Variants in CCDC9B observed in about 807,000 individuals in gnomAD.
CCDC9B encodes coiled-coil domain-containing protein 9B.
In CCDC9B, 40 loss-of-function variants were observed where a neutral mutation model predicts 47.2. The ratio of observed to expected loss-of-function variants is 0.85; its 90% CI spans 0.66 to 1.10. CCDC9B has a LOEUF of 1.10. Among genes scored for constraint, CCDC9B ranks in the 50% least tolerant of loss-of-function variants. The pLI is 0.00. For missense variants in CCDC9B, 662 were observed against 651.0 expected (o/e 1.02, Z -0.18); for synonymous variants, 238 against 250.7 (o/e 0.95, Z 0.48).
rs540348050 is a variant in CCDC9B, at chr15:40,332,992, C to T, written c.*2166G>A. On this transcript the variant is annotated 3_prime_UTR_variant, in exon 11 of 11. Transcript: ENST00000397536. The stretch of plus-strand genomic sequence containing the variant: ...TGCCTCTGCCCCCTTCACTCCATCC[C>T]ATCCCTGACCAGCTCTCCCACTGCA... The T allele has an allele frequency of 2.6e-5, 4 of 152,458 alleles. No individual in the cohort carries two copies. The highest frequency in any genetic ancestry group is 5.9e-5 in the Non-Finnish European group (4 of 68,094). The allele number at this position is 152,458 out of a possible 1,614,324, so 9.4% of individuals were successfully genotyped here.
rs745919694 is a variant in CCDC9B, at chr15:40,338,605, C to T, written c.443G>A (p.Gly148Glu). 54 of 1,614,058 alleles carry T rather than the reference C, an allele frequency of 3.3e-5. No individual in the cohort carries two copies. The highest frequency in any genetic ancestry group is 4.2e-5 in the Non-Finnish European group (50 of 1,180,030). Residue 148 changes from glycine to glutamate, a missense_variant, in exon 5 of 11, where the codon GGG (glycine) becomes GAG (glutamate). Physicochemically the swap from Gly to Glu is moderately conservative, Grantham distance 98. Transcript: ENST00000397536. ...PTRARNQGIE[G>E]SPGGRVTRSP... Reference sequence around the variant, plus strand: ...TCGGGTCACACGCCCTCCAGGTGACCCCTCTATGCCTTGGTTCCTTGCTCT... The same window carrying T: ...TCGGGTCACACGCCCTCCAGGTGACTCCTCTATGCCTTGGTTCCTTGCTCT...
rs749617191 is a variant in CCDC9B at position 40,337,274 on chromosome 15, A to G, written c.742+114T>C. On this transcript the variant is annotated intron_variant, in intron 7 of 10. Transcript: ENST00000397536. ...GGGAGAGGAAGGAAGATGTTCTCCA[A>G]CGCTTCCTTTCAGCTCTGAAAATAA... is the stretch of plus-strand genomic sequence containing the variant. 1.1e-5 allele frequency: 11 copies of G among 1,007,960 alleles called. No homozygotes were observed. In the South Asian group the frequency reaches 1.5e-4, roughly 13 times the overall value. The allele number at this position is 1,007,960 out of a possible 1,614,324, so 62.4% of individuals were successfully genotyped here. A position where few individuals can be genotyped will look rare whatever the true frequency, so the allele number is the denominator to read the frequency against.
intron 2 of CCDC9B, 74 bp from the exon 3 acceptor site, chr15:40,339,693 C>T: frequency 1.9e-6 from 3 of 1,590,204 alleles, no homozygotes; most frequent in East Asian, 2.3e-5. Context: ...GATAGGCCTA[C>T]ACAGAGAGAC....
In CCDC9B at chr15:40,337,851, C is replaced by CCGGGGG; in HGVS notation, c.550_555dup (p.Pro184_Pro185dup). On this transcript the variant is annotated inframe_insertion, in exon 6 of 11. Transcript: ENST00000397536. ...CACTGGGCATAGTCCCAGCCCGCCT[C>CCGGGGG]CGGGGGCTCCCCCACCGGCCGGCTC... 1 of 1,608,176 alleles carries CCGGGGG rather than the reference C, an allele frequency of 6.2e-7. No individual in the cohort carries two copies. The highest frequency in any genetic ancestry group is 8.5e-7 in the Non-Finnish European group (1 of 1,178,268).
At chr15:40,337,513 C>T (rs1000986891) in intron 6 of CCDC9B, 67 bp from the exon 7 acceptor site, 10 of 1,402,312 alleles carry the variant, frequency 7.1e-6, no homozygotes, top group Non-Finnish European at 9.7e-7. Context: ...CCTGACACCC[C>T]CCTCCCCGAA....
At chr15:40,337,307 A>G in intron 7 of CCDC9B, 81 bp downstream of exon 7, 2 of 1,273,950 alleles carry the variant, frequency 1.6e-6, no homozygotes, top group Non-Finnish European at 2.3e-6. Context: ...TAAGAGACTA[A>G]GAGACAGAGA....
chr15:40,334,928 CA>C lies in CCDC9B; in HGVS notation c.*229del, dbSNP rs1035897217. 2.9e-5 allele frequency: 12 copies of C among 408,692 alleles called. No homozygotes were observed. Among genetic ancestry groups the C allele is most frequent in the Non-Finnish European group, 5.2e-5 (12 of 229,800 alleles). The allele number at this position is 408,692 out of a possible 1,614,324, so 25.3% of individuals were successfully genotyped here. On this transcript the variant is annotated 3_prime_UTR_variant, in exon 11 of 11. Transcript: ENST00000397536. The stretch of plus-strand genomic sequence containing the variant: ...GCCAGATACTAGTACAGGAATACAC[CA>C]GGGGCTGTGCCCGTGCGTGAAAACA...
In CCDC9B at chr15:40,340,917, C is replaced by A. The variant is rs764098591; in HGVS notation, c.-98G>T. On this transcript the variant is annotated 5_prime_UTR_variant, in exon 1 of 11. Coordinates refer to ENST00000397536, the MANE Select transcript of CCDC9B (RefSeq NM_207380.3). ...CGGAGCCGGGCCTCTGCCGGCCTCTCCCTGCCGGCTTCGCTGCTCAGCACA... is the reference window on the plus strand; with the variant it reads ...CGGAGCCGGGCCTCTGCCGGCCTCTACCTGCCGGCTTCGCTGCTCAGCACA... 1.4e-5 allele frequency: 23 copies of A among 1,608,500 alleles called. No homozygotes were observed. The highest frequency in any genetic ancestry group is 2.0e-5 in the Non-Finnish European group (23 of 1,178,214).
intron 6 of CCDC9B, 47 bp from the exon 7 acceptor site, chr15:40,337,493 C>A (rs371407823): frequency 6.7e-7 from 1 of 1,484,000 alleles, no homozygotes; most frequent in Non-Finnish European, 9.1e-7. Flanking sequence ...GAAGCTGCCG[C>A]GGGCCCCACC....
rs1888932043 is a variant in CCDC9B at position 40,335,304 on chromosome 15, G to C, written c.1327C>G (p.Pro443Ala). Reference protein sequence around the residue: ...EPQRGAGLPEPGEDRSGKSGA... With the variant: ...EPQRGAGLPEAGEDRSGKSGA... ...GACTTGCCAGACCTGTCTTCTCCGG[G>C]CTCTGGGAGCCCTGCTCCTCTCTGT... The change falls in exon 11 of 11, where the codon CCC becomes GCC. Residue 443 changes from proline (P) to alanine (A), a missense_variant. Transcript: ENST00000397536. 1 of 1,613,262 alleles carries C rather than the reference G, an allele frequency of 6.2e-7. No individual in the cohort carries two copies. Among genetic ancestry groups the C allele is most frequent in the Admixed American group, 1.7e-5 (1 of 59,984 alleles).
In CCDC9B at chr15:40,340,916, T is replaced by A. The variant is rs760597957; in HGVS notation, c.-97A>T. On this transcript the variant is annotated 5_prime_UTR_variant, in exon 1 of 11. Coordinates refer to ENST00000397536, the MANE Select transcript of CCDC9B (RefSeq NM_207380.3). Reference sequence around the variant, plus strand: ...CCGGAGCCGGGCCTCTGCCGGCCTCTCCCTGCCGGCTTCGCTGCTCAGCAC... The same window carrying A: ...CCGGAGCCGGGCCTCTGCCGGCCTCACCCTGCCGGCTTCGCTGCTCAGCAC... The A allele has an allele frequency of 1.4e-5, 23 of 1,607,690 alleles. No homozygotes were observed. Among genetic ancestry groups the A allele is most frequent in the Non-Finnish European group, 2.0e-5 (23 of 1,178,074 alleles).
chr15:40,338,419 G>T, intron 5 of CCDC9B, 116 bp downstream of exon 5: 1 of 1,217,186 alleles, frequency 8.2e-7, no homozygotes, highest in Non-Finnish European at 1.2e-6. Flanking sequence ...AGGAACTCCT[G>T]CATGTGCTCC....
chr15:40,337,049 G>C, intron 7 of CCDC9B: 1 of 599,102 alleles, frequency 1.7e-6, no homozygotes, highest in South Asian at 2.1e-5. Flanking sequence ...TATAAAACAA[G>C]GGGACCAGAA....
In CCDC9B at chr15:40,340,127, A is replaced by T. The variant is rs181922401; in HGVS notation, c.13-112T>A. On this transcript the variant is annotated intron_variant, in intron 1 of 10. Transcript: ENST00000397536. Reference sequence around the variant, plus strand: ...AGATCCCAGACCCACAGCTAAGGTCACCCAGGAAGGAAGGGGATTGCTTAG... The same window carrying T: ...AGATCCCAGACCCACAGCTAAGGTCTCCCAGGAAGGAAGGGGATTGCTTAG... The T allele has an allele frequency of 2.7e-4, 178 of 669,398 alleles. No individual in the cohort carries two copies. The African/African-American group carries it at 3.1e-3, about 12-fold the overall frequency. The allele number at this position is 669,398 out of a possible 1,614,324, so 41.5% of individuals were successfully genotyped here. A position where few individuals can be genotyped will look rare whatever the true frequency, so the allele number is the denominator to read the frequency against.
chr15:40,337,378 G>A lies in CCDC9B; in HGVS notation c.742+10C>T. On this transcript the variant is annotated intron_variant, in intron 7 of 10. Transcript: ENST00000397536. ...CAAGGAGGGGAGGGATGAGGTAGGT[G>A]TGGGCTCACCCCTTCTGCTGCCTGC... is the stretch of plus-strand genomic sequence containing the variant. 1 of 1,611,968 alleles carries A rather than the reference G, an allele frequency of 6.2e-7. No individual in the cohort carries two copies. Among genetic ancestry groups the A allele is most frequent in the East Asian group, 2.2e-5 (1 of 44,868 alleles).
chr15:40,336,203 T>C (rs1293408608), intron 9 of CCDC9B: 3 of 985,282 alleles, frequency 3.0e-6, no homozygotes, highest in African/African-American at 3.5e-5. Context: ...GTTCCCTAAA[T>C]CCAACTATTT....
At position 40,335,299 on chromosome 15, in the gene CCDC9B, T is replaced by G; in HGVS notation, c.1332A>C (p.Gly444=). 2 of 1,613,182 alleles carry G rather than the reference T, an allele frequency of 1.2e-6. No individual in the cohort carries two copies. Among genetic ancestry groups the G allele is most frequent in the Non-Finnish European group, 1.7e-6 (2 of 1,179,594 alleles). ...CCCCAGACTTGCCAGACCTGTCTTC[T>G]CCGGGCTCTGGGAGCCCTGCTCCTC... is the stretch of plus-strand genomic sequence containing the variant. ...PQRGAGLPEP[G]EDRSGKSGAQ... is the part of the protein sequence containing the mutation. The change falls in exon 11 of 11, where the codon GGA becomes GGC. Residue 444 remains glycine (G), a synonymous_variant. Coordinates refer to ENST00000397536, the MANE Select transcript of CCDC9B (RefSeq NM_207380.3).
chr15:40,339,500 G>T lies in CCDC9B; in HGVS notation c.231+12C>A, dbSNP rs529761602. On this transcript the variant is annotated intron_variant, in intron 3 of 10. Coordinates refer to ENST00000397536, the MANE Select transcript of CCDC9B (RefSeq NM_207380.3). ...CCTTGCTACGAGCCCTGTCTCCCAG[G>T]GTGAGGCTTACACCGGGAACCTGGC... The T allele has an allele frequency of 1.2e-6, 2 of 1,613,368 alleles. No individual in the cohort carries two copies. The highest frequency in any genetic ancestry group is 4.5e-5 in the East Asian group (2 of 44,882).
rs753814378 is a variant in CCDC9B at position 40,336,814 on chromosome 15, C to G, written c.743-1G>C. 8 of 1,590,676 alleles carry G rather than the reference C, an allele frequency of 5.0e-6. No homozygotes were observed. Among genetic ancestry groups the G allele is most frequent in the South Asian group, 1.1e-5 (1 of 87,722 alleles). The stretch of plus-strand genomic sequence containing the variant: ...TGTAGTTTCTGGTGGCTCCTGGGAC[C>G]TGCGGGGGACAAAAGAAGTGGGGAA... On this transcript the variant is annotated splice_acceptor_variant, in intron 7 of 10. Transcript: ENST00000397536. LOFTEE classifies it high-confidence loss of function.
Sources: allele counts gnomAD v4.1 joint callset, GRCh38; gene constraint gnomAD v4.1.1; transcripts MANE v1.5; gene names NCBI Gene and HGNC (gene_info 2026-07-23, HGNC 2026-07-21).